The following ITGB8 variants were observed in gnomAD, a reference collection of about 807,000 sequenced individuals.
ITGB8 encodes integrin beta-8.
ITGB8 carries 30 observed loss-of-function variants against 89.5 expected under a neutral mutation model. The observed-to-expected ratio is 0.34, with a 90% CI of 0.25 to 0.45. The LOEUF (loss-of-function observed/expected upper bound fraction) is 0.45, where lower values mean the gene tolerates loss of function less well. Among genes scored for constraint, ITGB8 ranks in the 20% least tolerant of loss-of-function variants. The pLI, the probability that ITGB8 is intolerant of heterozygous loss-of-function variation, is 1.00. For missense variants in ITGB8, 836 were observed against 933.3 expected (o/e 0.90, Z 1.36); for synonymous variants, 335 against 320.4 (o/e 1.05, Z -0.49).
chr7:20,381,619 T>A, intron 5 of ITGB8, 108 bp from the exon 6 acceptor site: 1 of 785,906 alleles, frequency 1.3e-6, no homozygotes, highest in Non-Finnish European at 2.1e-6. Flanking sequence ...CACATCGTTC[T>A]AGCCTGACTT....
chr7:20,374,587 G>A (rs1255517502), intron 3 of ITGB8, among the ~76,000 whole-genome samples: 1 of 152,078 alleles, frequency 6.6e-6, no homozygotes, highest in African/African-American at 2.4e-5. Context: ...GAAACACAGG[G>A]GCGGGGCCCT....
intron 1 of ITGB8, among the ~76,000 whole-genome samples, chr7:20,345,409 ATACATAATTATC>A (rs1388147908): frequency 1.3e-5 from 2 of 151,750 alleles, no homozygotes; most frequent in Non-Finnish European, 2.9e-5. Flanking sequence ...AAACATGGTT[ATACATAATTATC>A]TAGTGTGTTC....
rs538826078 is a variant in ITGB8 at position 20,333,261 on chromosome 7, G to T, written c.127+1328G>T. On this transcript the variant is annotated intron_variant, in intron 1 of 13. Transcript: ENST00000222573. ...AGTTATCTGAAATGGAGAAATTAGAGTAAATCTCTTTATCTTGTGGTTATT... is the reference window on the plus strand; with the variant it reads ...AGTTATCTGAAATGGAGAAATTAGATTAAATCTCTTTATCTTGTGGTTATT... Among the ~76,000 whole-genome samples, 94 of 152,256 alleles carry T rather than the reference G, an allele frequency of 6.2e-4. 1 individual carries two copies. The highest frequency in any genetic ancestry group is 2.2e-3 in the African/African-American group (90 of 41,550).
chr7:20,366,086 A>G (rs1045217294), intron 2 of ITGB8: 3 of 152,136 alleles, frequency 2.0e-5, no homozygotes, highest in Admixed American at 2.0e-4. Context: ...TTCCTTCTAC[A>G]CTACATAAGT....
At chr7:20,341,368 A>G (rs1465834046) in intron 1 of ITGB8, among the ~76,000 whole-genome samples, 1 of 152,172 alleles carries the variant, frequency 6.6e-6, no homozygotes, top group Non-Finnish European at 1.5e-5. Context: ...AGACATCCTC[A>G]GTTTTGGTTA....
Position 20,331,293 on chromosome 7 carries a change from C to T in ITGB8, c.-514C>T, listed in dbSNP as rs2128122440. On this transcript the variant is annotated 5_prime_UTR_variant, in exon 1 of 14. Coordinates refer to ENST00000222573, the MANE Select transcript of ITGB8 (RefSeq NM_002214.3). ...AGCAACTGCGCTGATTGATGCGCCA[C>T]AGACTTTTTTCCCCTCGACCTCGCC... is the stretch of plus-strand genomic sequence containing the variant. 2.8e-6 allele frequency: 1 copy of T among 359,154 alleles called. No homozygotes were observed. The highest frequency in any genetic ancestry group is 5.0e-6 in the Non-Finnish European group (1 of 201,394). 22.2% of individuals were successfully genotyped at this position (359,154 alleles called of 1,614,324 possible).
At chr7:20,360,327 C>G (rs1785449660) in intron 1 of ITGB8, among the ~76,000 whole-genome samples, 1 of 145,348 alleles carries the variant, frequency 6.9e-6, no homozygotes, top group African/African-American at 2.5e-5. Context: ...AGCTTCCCTT[C>G]CATGAGACTA....
chr7:20,386,863 T>A (rs1262642092), intron 6 of ITGB8, among the ~76,000 whole-genome samples: 1 of 152,192 alleles, frequency 6.6e-6, no homozygotes, highest in East Asian at 1.9e-4. Context: ...AAGTCATACT[T>A]AAGCAGAAAG....
intron 8 of ITGB8, among the ~76,000 whole-genome samples, chr7:20,395,657 G>A (rs1162340394): frequency 6.6e-6 from 1 of 152,160 alleles, no homozygotes; most frequent in Non-Finnish European, 1.5e-5. Flanking sequence ...TGTGAAAATA[G>A]TGACTGCTAC....
intron 1 of ITGB8, among the ~76,000 whole-genome samples, chr7:20,356,223 G>C (rs997644135): frequency 1.3e-5 from 2 of 152,100 alleles, no homozygotes; most frequent in African/African-American, 2.4e-5. Flanking sequence ...TTTTGTAGGG[G>C]CCTTTAGGAA....
intron 3 of ITGB8, among the ~76,000 whole-genome samples, chr7:20,377,943 G>A (rs369764876): frequency 6.6e-6 from 1 of 152,094 alleles, no homozygotes; most frequent in East Asian, 1.9e-4. Context: ...AAATTAGAAG[G>A]TTCTTTAAAT....
At chr7:20,347,761 G>T (rs1003323072) in intron 1 of ITGB8, among the ~76,000 whole-genome samples, 1 of 152,138 alleles carries the variant, frequency 6.6e-6, no homozygotes, top group East Asian at 1.9e-4. Flanking sequence ...TGGAACTGAA[G>T]GTACCAATTT....
At chr7:20,365,605 A>G (rs1167858100) in intron 2 of ITGB8, 1 of 152,232 alleles carries the variant, frequency 6.6e-6, no homozygotes, top group Non-Finnish European at 1.5e-5. Context: ...AGGACTATAT[A>G]TAGAACTTTG....
intron 1 of ITGB8, among the ~76,000 whole-genome samples, chr7:20,349,083 G>T (rs1228153745): frequency 2.0e-5 from 3 of 151,964 alleles, no homozygotes; most frequent in Non-Finnish European, 2.9e-5. Context: ...AATGTTAATT[G>T]AAAATTATAA....
chr7:20,379,271 C>T lies in ITGB8; in HGVS notation c.609C>T (p.His203=), dbSNP rs750820206. ...DKTVSPYISI[H]PERIHNQCSD... is the part of the protein sequence containing the mutation. ...CAGTTTCACCATACATTAGCATCCA[C>T]CCCGAAAGGATTCATAATCAATGCA... The change falls in exon 4 of 14, where the codon CAC becomes CAT. Residue 203 remains histidine (H), a synonymous_variant. Transcript: ENST00000222573. The T allele has an allele frequency of 1.2e-6, 2 of 1,602,666 alleles. No individual in the cohort carries two copies. Among genetic ancestry groups the T allele is most frequent in the Non-Finnish European group, 1.7e-6 (2 of 1,173,962 alleles).
chr7:20,391,046 C>T (rs1478480888), intron 6 of ITGB8, among the ~76,000 whole-genome samples: 4 of 151,888 alleles, frequency 2.6e-5, no homozygotes, highest in Non-Finnish European at 5.9e-5. Flanking sequence ...TGAATTTCAC[C>T]TTAGAATGTG....
intron 1 of ITGB8, among the ~76,000 whole-genome samples, chr7:20,340,257 C>T (rs1054954755): frequency 1.3e-5 from 2 of 152,122 alleles, no homozygotes; most frequent in African/African-American, 4.8e-5. Context: ...ATATTGGTAT[C>T]GTTTGTTTAT....
intron 5 of ITGB8, 154 bp downstream of exon 5, chr7:20,380,985 G>C: frequency 1.6e-6 from 1 of 638,054 alleles, no homozygotes; most frequent in Non-Finnish European, 2.7e-6. Flanking sequence ...GATTCATTTC[G>C]GTATGTGTTT....
chr7:20,366,780 A>G, intron 2 of ITGB8: 1 of 404,386 alleles, frequency 2.5e-6, no homozygotes, highest in Non-Finnish European at 4.4e-6. Flanking sequence ...AGAAAAAAAA[A>G]GCCAACCAGA....
Sources: allele counts gnomAD v4.1 joint callset (sites outside exome capture counted in the v4.1 genomes callset), GRCh38; gene constraint gnomAD v4.1.1; transcripts MANE v1.5; gene names NCBI Gene and HGNC (gene_info 2026-07-23, HGNC 2026-07-21).